Variants in VPS35L observed in about 807,000 individuals in gnomAD.
The protein encoded by VPS35L is VPS35 endosomal protein sorting factor like, also known as VPS35 endosomal protein-sorting factor-like.
A neutral mutation model predicts 133.0 loss-of-function variants in VPS35L; 83 were observed. That is an observed-to-expected ratio of 0.62 (90% CI 0.52 to 0.75). The LOEUF (loss-of-function observed/expected upper bound fraction) is 0.75. Among genes scored for constraint, VPS35L ranks in the 30% least tolerant of loss-of-function variants. VPS35L has a pLI of 0.00. For missense variants in VPS35L, 1,083 were observed against 1,206.8 expected, an observed-to-expected ratio of 0.90 and a Z score of 1.52; for synonymous variants, 423 against 449.9, an observed-to-expected ratio of 0.94 and a Z score of 0.76.
intron 11 of VPS35L, among the ~76,000 whole-genome samples, chr16:19,609,517 C>T (rs993162270): frequency 1.3e-5 from 2 of 152,154 alleles, no homozygotes; most frequent in Non-Finnish European, 2.9e-5. Flanking sequence ...GAAGCCTTTG[C>T]CCTTAGTGGC....
At chr16:19,641,269 G>T (rs1041758637) in intron 21 of VPS35L, among the ~76,000 whole-genome samples, 1 of 151,866 alleles carries the variant, frequency 6.6e-6, no homozygotes, top group African/African-American at 2.4e-5. Flanking sequence ...GTTTCGCCAT[G>T]GTGGCCAGGC....
chr16:19,680,704 G>A (rs1317590735), intron 27 of VPS35L, among the ~76,000 whole-genome samples: 1 of 152,118 alleles, frequency 6.6e-6, no homozygotes, highest in East Asian at 1.9e-4. Flanking sequence ...TTGAGCCCAG[G>A]ACCTTGAGAC....
intron 1 of VPS35L, among the ~76,000 whole-genome samples, chr16:19,563,346 G>C (rs929341773): frequency 1.3e-5 from 2 of 151,500 alleles, no homozygotes; most frequent in South Asian, 4.2e-4. Flanking sequence ...GAAAAATTCT[G>C]TTTGGTTTCT....
intron 20 of VPS35L, 50 bp downstream of exon 20, chr16:19,637,706 G>T: frequency 1.5e-6 from 2 of 1,301,604 alleles, no homozygotes; most frequent in Non-Finnish European, 2.2e-6. Flanking sequence ...TGGCTCAGAG[G>T]TTCTCATTGT....
In VPS35L at chr16:19,569,421, C is replaced by G. The variant is rs1971289749; in HGVS notation, c.118-3C>G. The stretch of plus-strand genomic sequence containing the variant: ...GTTTTACCTCCAGAAATTTTCCTCA[C>G]AGGTCACAGAGTCAAAGACAAAGAA... On this transcript the variant is annotated splice_region_variant and splice_polypyrimidine_tract_variant and intron_variant, in intron 2 of 30. Transcript: ENST00000417362. 6.3e-7 allele frequency: 1 copy of G among 1,592,906 alleles called. No homozygotes were observed. The highest frequency in any genetic ancestry group is 2.2e-5 in the East Asian group (1 of 44,726).
Position 19,699,522 on chromosome 16 carries a change from G to T in VPS35L, c.2667G>T (p.Ser889=), listed in dbSNP as rs371394211. ...AKDEALKRQS[S]LGLSFFNSIL... ...TTCAGGCCCTGAAGCGCCAGAGCTCGTTGGGCCTTTCCTTCTTTAACAGCA... is the reference window on the plus strand; with the variant it reads ...TTCAGGCCCTGAAGCGCCAGAGCTCTTTGGGCCTTTCCTTCTTTAACAGCA... Residue 889 remains serine (S), a synonymous_variant, in exon 30 of 31, where the codon TCG becomes TCT. Transcript: ENST00000417362. This position sits in a 1 kb window ranked among gnomAD's most constrained non-coding sequence, Gnocchi z 4.2. The T allele has an allele frequency of 1.7e-5, 28 of 1,614,126 alleles. No homozygotes were observed. The East Asian group carries it at 6.2e-4, about 36-fold the overall frequency.
rs1976095020 is a variant in VPS35L at position 19,700,552 on chromosome 16, AC to A, written c.*77del. The stretch of plus-strand genomic sequence containing the variant: ...ATCTGCTCTGCTGCCCTGAACTCTT[AC>A]GGCAATTTAGGTTTCTCATTTTTCT... On this transcript the variant is annotated 3_prime_UTR_variant, in exon 31 of 31. Transcript: ENST00000417362. 6.5e-6 allele frequency: 8 copies of A among 1,234,764 alleles called. No homozygotes were observed. Among genetic ancestry groups the A allele is most frequent in the Middle Eastern group, 1.9e-4 (1 of 5,152 alleles). 76.5% of individuals were successfully genotyped at this position (1,234,764 alleles called of 1,614,324 possible). A position where few individuals can be genotyped will look rare whatever the true frequency, so the allele number is the denominator to read the frequency against.
At chr16:19,591,505 TG>T (rs1972041326) in intron 7 of VPS35L, among the ~76,000 whole-genome samples, 2 of 151,302 alleles carry the variant, frequency 1.3e-5, no homozygotes, top group Non-Finnish European at 2.9e-5. Context: ...CACTTGAGGT[TG>T]GGAGTTTAAG....
rs140679357 is a variant in VPS35L at position 19,640,115 on chromosome 16, G to A, written c.1784+15G>A. ...GCCTTTATCAAGTGAGTGCCACTGC[G>A]TGCAGCAGAAGCCTTGATTCCCAAT... On this transcript the variant is annotated intron_variant, in intron 21 of 30. Coordinates refer to ENST00000417362, the MANE Select transcript of VPS35L (RefSeq NM_020314.7). The A allele has an allele frequency of 2.1e-4, 336 of 1,608,028 alleles. 1 individual carries two copies. The African/African-American group carries it at 3.9e-3, about 19-fold the overall frequency.
At chr16:19,683,355 C>T (rs558398975) in intron 28 of VPS35L, among the ~76,000 whole-genome samples, 1 of 152,254 alleles carries the variant, frequency 6.6e-6, no homozygotes, top group Non-Finnish European at 1.5e-5. Context: ...GGTATACGTG[C>T]AGGTTTGTGA....
At position 19,567,335 on chromosome 16, in the gene VPS35L, T is replaced by C. The variant is rs911586922; in HGVS notation, c.118-2089T>C. Among the ~76,000 whole-genome samples the C allele has an allele frequency of 7.2e-5, 11 of 152,146 alleles. 1 individual carries two copies. The highest frequency in any genetic ancestry group is 2.7e-4 in the African/African-American group (11 of 41,422). On this transcript the variant is annotated intron_variant, in intron 2 of 30. Transcript: ENST00000417362. ...AGCAGTTTTCATTGACCCAGTTTTG[T>C]TATGCGCCCTACCCTGAACCAGCAT... is the stretch of plus-strand genomic sequence containing the variant.
In VPS35L at chr16:19,608,994, T is replaced by A; in HGVS notation, c.902T>A (p.Leu301Gln). Residue 301 changes from leucine (L) to glutamine (Q), a missense_variant, in exon 11 of 31, where the codon CTG becomes CAG. By Grantham distance (113) the Leu-to-Gln change is moderately radical. Transcript: ENST00000417362. ...IPRFYVEASILKCNKFLSKTG... is the reference protein window; with the variant it reads ...IPRFYVEASIQKCNKFLSKTG... ...TGTAGTTACGTGGAGGCATCCATCC[T>A]GAAATGTAACAAATTCCTCTCCAAA... is the stretch of plus-strand genomic sequence containing the variant. 1.2e-6 allele frequency: 2 copies of A among 1,613,988 alleles called. No individual in the cohort carries two copies. The highest frequency in any genetic ancestry group is 1.7e-6 in the Non-Finnish European group (2 of 1,179,944).
intron 27 of VPS35L, among the ~76,000 whole-genome samples, chr16:19,672,483 G>A (rs371413036): frequency 1.8e-4 from 28 of 152,292 alleles, no homozygotes; most frequent in African/African-American, 6.3e-4. Context: ...ATACTGTTTG[G>A]CATGTGAATT....
chr16:19,670,784 C>T (rs1974849228), intron 27 of VPS35L, among the ~76,000 whole-genome samples: 1 of 152,156 alleles, frequency 6.6e-6, no homozygotes, highest in Non-Finnish European at 1.5e-5. Context: ...CATCTACTCC[C>T]TGGGGGTCTG....
chr16:19,604,402 G>A (rs962498835), intron 9 of VPS35L, among the ~76,000 whole-genome samples: 10 of 152,052 alleles, frequency 6.6e-5, no homozygotes, highest in Non-Finnish European at 1.2e-4. Flanking sequence ...ATCAGTCCTC[G>A]TTTAGATACA....
At chr16:19,662,742 T>C (rs1974528260) in intron 26 of VPS35L, among the ~76,000 whole-genome samples, 1 of 152,216 alleles carries the variant, frequency 6.6e-6, no homozygotes, top group Non-Finnish European at 1.5e-5. Flanking sequence ...CCATAACCCT[T>C]TCCTAAAGCT....
At chr16:19,588,351 T>G (rs945402430) in intron 7 of VPS35L, among the ~76,000 whole-genome samples, 12 of 151,634 alleles carry the variant, frequency 7.9e-5, no homozygotes, top group African/African-American at 2.7e-4. Context: ...CATGCCCGGC[T>G]GATTTTTGTA....
rs1181418913 is a variant in VPS35L at position 19,627,928 on chromosome 16, T to C, written c.1383+123T>C. On this transcript the variant is annotated intron_variant, in intron 16 of 30. Transcript: ENST00000417362. ...CAGGAACACAGGCGAAGGCTCTGTT[T>C]CTGAGGAACGCAATGGAAGATGAGT... 5.3e-6 allele frequency: 4 copies of C among 756,466 alleles called. No homozygotes were observed. In the Admixed American group the frequency reaches 6.5e-5, roughly 12 times the overall value. The allele number at this position is 756,466 out of a possible 1,614,324, so 46.9% of individuals were successfully genotyped here.
chr16:19,634,116 T>G (rs1730047748), intron 19 of VPS35L, among the ~76,000 whole-genome samples: 1 of 152,092 alleles, frequency 6.6e-6, no homozygotes, highest in African/African-American at 2.4e-5. Flanking sequence ...TCAGAATTAT[T>G]TGATAATAAG....
Sources: allele counts gnomAD v4.1 joint callset (sites outside exome capture counted in the v4.1 genomes callset), GRCh38; gene constraint gnomAD v4.1.1; non-coding constraint Gnocchi (gnomAD v3.1); transcripts MANE v1.5; gene names NCBI Gene and HGNC (gene_info 2026-07-23, HGNC 2026-07-21).